ZNF71: variants seen among roughly 807,000 people sequenced by gnomAD.
The protein encoded by ZNF71 is zinc finger protein 71.
Under a neutral mutation model 6.7 loss-of-function variants are expected in ZNF71, and 3 were observed. The ratio of observed to expected loss-of-function variants is 0.45; its 90% CI spans 0.20 to 1.16. The LOEUF is 1.16. ZNF71 is among the 50% of genes most tolerant of loss of function. The pLI is 0.25. For missense variants in ZNF71, 688 were observed against 728.6 expected (o/e 0.94, Z 0.64); for synonymous variants, 343 against 311.1 (o/e 1.10, Z -1.08).
At chr19:56,611,315 C>G (rs539481597) in intron 2 of ZNF71, among the ~76,000 whole-genome samples, 1 of 152,068 alleles carries the variant, frequency 6.6e-6, no homozygotes, top group Non-Finnish European at 1.5e-5. Flanking sequence ...CTGGGTGGTT[C>G]GTGAGAGGCA....
At position 56,621,283 on chromosome 19, in the gene ZNF71, C is replaced by T. The variant is rs1318484726; in HGVS notation, c.176C>T (p.Pro59Leu). The T allele has an allele frequency of 7.2e-6, 11 of 1,518,188 alleles. No homozygotes were observed. The highest frequency in any genetic ancestry group is 1.3e-5 in the South Asian group (1 of 75,078). 94.0% of individuals were successfully genotyped at this position (1,518,188 alleles called of 1,614,324 possible). Residue 59 changes from proline to leucine, a missense_variant, in exon 4 of 4, where the codon CCT becomes CTT. Coordinates refer to ENST00000599599, the MANE Select transcript of ZNF71 (RefSeq NM_001370215.1). The stretch of plus-strand genomic sequence containing the variant: ...TTTTTTTCAGACTGGGAGACTAGAC[C>T]TGAAATGAAAGAGTTGGATCCAAAG... ...NLVSLDWETRPEMKELDPKND... is the reference protein window; with the variant it reads ...NLVSLDWETRLEMKELDPKND...
chr19:56,611,925 AC>A (rs1230538162), intron 2 of ZNF71, among the ~76,000 whole-genome samples: 2 of 152,176 alleles, frequency 1.3e-5, no homozygotes, highest in African/African-American at 4.8e-5. Context: ...CATTCTTCAC[AC>A]AGCCTTGTCC....
chr19:56,605,239 T>C (rs1464840589), intron 2 of ZNF71, among the ~76,000 whole-genome samples: 1 of 152,044 alleles, frequency 6.6e-6, no homozygotes, highest in African/African-American at 2.4e-5. Context: ...GCCTTGGGGG[T>C]TGTACCACTG....
In ZNF71 at chr19:56,600,185, A is replaced by ATTTTTTTTTTT. The variant is rs1169322389; in HGVS notation, c.-52-1309_-52-1299dup. Among the ~76,000 whole-genome samples, 13 of 24,910 alleles carry ATTTTTTTTTTT rather than the reference A, an allele frequency of 5.2e-4. 2 individuals carry two copies. The African/African-American group carries it at 6.0e-3, about 12-fold the overall frequency. The allele number at this position is 24,910 out of a possible 152,430, so 16.3% of individuals were successfully genotyped here. ...ATCTTGGCTCACTGCAACCCTCTGT[A>ATTTTTTTTTTT]TTTTTTTTTTTTTTTTTTTTTTTGA... is the stretch of plus-strand genomic sequence containing the variant. On this transcript the variant is annotated intron_variant, in intron 1 of 3. Transcript: ENST00000599599.
intron 1 of ZNF71, among the ~76,000 whole-genome samples, chr19:56,596,099 C>T (rs973983140): frequency 1.4e-4 from 21 of 151,630 alleles, no homozygotes; most frequent in Admixed American, 1.2e-3. Flanking sequence ...TGCCTGTGTC[C>T]TTGTCTTTGG....
At chr19:56,607,721 C>T (rs573272800) in intron 2 of ZNF71, among the ~76,000 whole-genome samples, 11 of 152,334 alleles carry the variant, frequency 7.2e-5, no homozygotes, top group Non-Finnish European at 1.6e-4. Flanking sequence ...AAAACACTCA[C>T]CCCCCTGTAT....
At chr19:56,605,237 G>C (rs1026513257) in intron 2 of ZNF71, among the ~76,000 whole-genome samples, 4 of 152,048 alleles carry the variant, frequency 2.6e-5, no homozygotes, top group Non-Finnish European at 4.4e-5. Context: ...GTGCCTTGGG[G>C]GTTGTACCAC....
At chr19:56,609,540 A>G (rs1204840664) in intron 2 of ZNF71, among the ~76,000 whole-genome samples, 1 of 151,998 alleles carries the variant, frequency 6.6e-6, no homozygotes, top group Non-Finnish European at 1.5e-5. Context: ...GAGGCATACG[A>G]TATGGATTTT....
rs1270978839 is a variant in ZNF71 at position 56,621,966 on chromosome 19, TC to T, written c.861del (p.Ser288LeufsTer58). 10 of 1,604,066 alleles carry T rather than the reference TC, an allele frequency of 6.2e-6. No homozygotes were observed. In the South Asian group the frequency reaches 8.8e-5, roughly 14 times the overall value. On this transcript the variant is annotated frameshift_variant, in exon 4 of 4. Coordinates refer to ENST00000599599, the MANE Select transcript of ZNF71 (RefSeq NM_001370215.1). LOFTEE classifies it low-confidence loss of function (END_TRUNC). ...DVCGKAFRKT[S>X]SLTQHERIHT... is the part of the protein sequence containing the mutation. ...GTGTGGCAAGGCCTTCCGGAAGACT[TC>T]CTCTCTCACCCAGCACGAGCGGATC...
At chr19:56,615,272 T>C (rs2044781598) in intron 3 of ZNF71, among the ~76,000 whole-genome samples, 1 of 152,224 alleles carries the variant, frequency 6.6e-6, no homozygotes, top group African/African-American at 2.4e-5. Context: ...ATGTGCTACA[T>C]GTATATTTAA....
chr19:56,602,551 A>G (rs903602235), intron 2 of ZNF71, among the ~76,000 whole-genome samples: 7 of 152,242 alleles, frequency 4.6e-5, no homozygotes, highest in African/African-American at 1.4e-4. Flanking sequence ...ATAAACCATG[A>G]TGAGCCTGAT....
At chr19:56,611,244 G>A (rs2044749765) in intron 2 of ZNF71, among the ~76,000 whole-genome samples, 1 of 152,124 alleles carries the variant, frequency 6.6e-6, no homozygotes, top group African/African-American at 2.4e-5. Flanking sequence ...ACAGTGTGGG[G>A]GTCAGAGGTC....
In ZNF71 at chr19:56,621,296, G is replaced by C; in HGVS notation, c.189G>C (p.Glu63Asp). The change falls in exon 4 of 4, where the codon GAG becomes GAC. Residue 63 changes from glutamate to aspartate, a missense_variant. Transcript: ENST00000599599. ...LDWETRPEMK[E>D]LDPKNDISED... is the part of the protein sequence containing the mutation. ...GGGAGACTAGACCTGAAATGAAAGAGTTGGATCCAAAGAATGACATTTCGG... is the reference window on the plus strand; with the variant it reads ...GGGAGACTAGACCTGAAATGAAAGACTTGGATCCAAAGAATGACATTTCGG... 1.3e-6 allele frequency: 2 copies of C among 1,520,592 alleles called. No individual in the cohort carries two copies. Among genetic ancestry groups the C allele is most frequent in the Non-Finnish European group, 1.8e-6 (2 of 1,135,834 alleles). The allele number at this position is 1,520,592 out of a possible 1,614,324, so 94.2% of individuals were successfully genotyped here.
chr19:56,613,086 T>C lies in ZNF71; in HGVS notation c.34-726T>C, dbSNP rs1218814753. Reference sequence around the variant, plus strand: ...ACACTGCTCCGCCAGGTTCTTTCAGTCCACAGGCTTGTGACATCTACCACA... The same window carrying C: ...ACACTGCTCCGCCAGGTTCTTTCAGCCCACAGGCTTGTGACATCTACCACA... On this transcript the variant is annotated intron_variant, in intron 2 of 3. Coordinates refer to ENST00000599599, the MANE Select transcript of ZNF71 (RefSeq NM_001370215.1). The surrounding 1 kb of genome is among the most constrained non-coding windows in gnomAD (Gnocchi z 4.6). Among the ~76,000 whole-genome samples the C allele has an allele frequency of 6.6e-6, 1 of 152,172 alleles. No homozygotes were observed. The highest frequency in any genetic ancestry group is 2.4e-5 in the African/African-American group (1 of 41,440).
intron 1 of ZNF71, among the ~76,000 whole-genome samples, chr19:56,595,878 T>TGTGTGTGG (rs1373803713): frequency 6.6e-6 from 1 of 150,876 alleles, no homozygotes; most frequent in Non-Finnish European, 1.5e-5. Flanking sequence ...TGTGTGTGTG[T>TGTGTGTGG]GTGTGTGTGT....
rs992534752 is a variant in ZNF71 at position 56,603,990 on chromosome 19, C to T, written c.33+2399C>T. 1.8e-4 allele frequency among the ~76,000 whole-genome samples: 27 copies of T among 152,130 alleles called. No individual in the cohort carries two copies. The highest frequency in any genetic ancestry group is 6.3e-4 in the African/African-American group (26 of 41,406). On this transcript the variant is annotated intron_variant, in intron 2 of 3. Transcript: ENST00000599599. This position sits in a 1 kb window ranked among gnomAD's most constrained non-coding sequence, Gnocchi z 4.6. ...CTTTGTTAGCACTTCTGTCCCAACA[C>T]GATGGGCTCCCAGACCTGGAAGGCT...
At chr19:56,605,045 G>T (rs2044699199) in intron 2 of ZNF71, among the ~76,000 whole-genome samples, 2 of 152,208 alleles carry the variant, frequency 1.3e-5, no homozygotes, top group South Asian at 4.1e-4. Context: ...CAGATATTCT[G>T]CTGTTTAAAG....
Position 56,613,809 on chromosome 19 carries a change from C to G in ZNF71, c.34-3C>G. On this transcript the variant is annotated splice_polypyrimidine_tract_variant and splice_region_variant and intron_variant, in intron 2 of 3. Coordinates refer to ENST00000599599, the MANE Select transcript of ZNF71 (RefSeq NM_001370215.1). This position sits in a 1 kb window ranked among gnomAD's most constrained non-coding sequence, Gnocchi z 4.6. Reference sequence around the variant, plus strand: ...ATGAGCGGATGTGGGTTTCCTCTTACAGGAATCAGTGACGTTCAGGGATGT... The same window carrying G: ...ATGAGCGGATGTGGGTTTCCTCTTAGAGGAATCAGTGACGTTCAGGGATGT... 1 of 1,106,132 alleles carries G rather than the reference C, an allele frequency of 9.0e-7. No individual in the cohort carries two copies. Among genetic ancestry groups the G allele is most frequent in the Admixed American group, 3.6e-5 (1 of 27,610 alleles). 68.5% of individuals were successfully genotyped at this position (1,106,132 alleles called of 1,614,324 possible).
rs1039104657 is a variant in ZNF71 at position 56,618,470 on chromosome 19, G to A, written c.161-2798G>A. Among the ~76,000 whole-genome samples the A allele has an allele frequency of 6.6e-6, 1 of 152,144 alleles. No individual in the cohort carries two copies. The highest frequency in any genetic ancestry group is 2.4e-5 in the African/African-American group (1 of 41,414). On this transcript the variant is annotated intron_variant, in intron 3 of 3. Transcript: ENST00000599599. This position sits in a 1 kb window ranked among gnomAD's most constrained non-coding sequence, Gnocchi z 4.6. ...TGTGAGGAGCTGGGGGGTGAGCAAG[G>A]CCCTTGCCTCTAGTGGAGCTGACTC...
Sources: allele counts gnomAD v4.1 joint callset (sites outside exome capture counted in the v4.1 genomes callset), GRCh38; gene constraint gnomAD v4.1.1; non-coding constraint Gnocchi (gnomAD v3.1); transcripts MANE v1.5; gene names NCBI Gene and HGNC (gene_info 2026-07-23, HGNC 2026-07-21).